FRMD3: variants seen among roughly 807,000 people sequenced by gnomAD.
FRMD3 encodes the protein FERM domain containing 3, also known as FERM domain-containing protein 3.
FRMD3 carries 33 observed loss-of-function variants against 70.2 expected under a neutral mutation model. That is an observed-to-expected ratio of 0.47 (90% CI 0.36 to 0.63). The LOEUF is 0.63. Ranked by LOEUF, FRMD3 falls within the 20% of genes least tolerant of loss-of-function variation. The pLI is 0.00. For missense variants in FRMD3, 632 were observed against 711.4 expected (o/e 0.89, Z 1.27); for synonymous variants, 279 against 255.9 (o/e 1.09, Z -0.86).
intron 1 of FRMD3, among the ~76,000 whole-genome samples, chr9:83,479,729 G>T (rs371576673): frequency 0.36 from 23,388 of 64,476 alleles, 3,829 homozygotes; most frequent in African/African-American, 0.39. Context: ...AGAAAAGAAA[G>T]GGAAAGAAAG....
chr9:83,419,608 GAT>G (rs568997668), intron 1 of FRMD3, among the ~76,000 whole-genome samples: 22 of 151,734 alleles, frequency 1.4e-4, no homozygotes, highest in African/African-American at 3.1e-4. Context: ...CTGCGTGTGT[GAT>G]ATGTGTGTGT....
chr9:83,245,982 C>T lies in FRMD3; in HGVS notation c.*1936G>A, dbSNP rs1217060574. 1.8e-5 allele frequency: 18 copies of T among 984,194 alleles called. No homozygotes were observed. The South Asian group carries it at 6.1e-4, about 33-fold the overall frequency. The allele number at this position is 984,194 out of a possible 1,614,324, so 61.0% of individuals were successfully genotyped here. The stretch of plus-strand genomic sequence containing the variant: ...TTTATTTAAAAAGCAAAATAAATCA[C>T]TGAAAGCATATAGGAAAGGAAACCC... On this transcript the variant is annotated 3_prime_UTR_variant, in exon 14 of 14. Transcript: ENST00000304195.
intron 1 of FRMD3, among the ~76,000 whole-genome samples, chr9:83,451,717 G>T (rs1304580984): frequency 6.6e-6 from 1 of 152,116 alleles, no homozygotes; most frequent in African/African-American, 2.4e-5. Flanking sequence ...CCCAAAATGA[G>T]CTGGCCAGAG....
chr9:83,360,262 C>A (rs1824539234), intron 3 of FRMD3, among the ~76,000 whole-genome samples: 2 of 152,132 alleles, frequency 1.3e-5, no homozygotes, highest in Non-Finnish European at 2.9e-5. Context: ...AGGTGTAAAT[C>A]AATATGTAGA....
At chr9:83,492,513 G>A (rs567917809) in intron 1 of FRMD3, among the ~76,000 whole-genome samples, 5 of 152,190 alleles carry the variant, frequency 3.3e-5, no homozygotes, top group Non-Finnish European at 5.9e-5. Context: ...CCTCCTTTCC[G>A]CCCGTGCTCC....
At chr9:83,486,250 C>T (rs902724370) in intron 1 of FRMD3, among the ~76,000 whole-genome samples, 3 of 152,130 alleles carry the variant, frequency 2.0e-5, no homozygotes, top group Non-Finnish European at 2.9e-5. Flanking sequence ...GATGCTGAGA[C>T]GTCACCAAGG....
intron 1 of FRMD3, among the ~76,000 whole-genome samples, chr9:83,389,952 G>C (rs1046811147): frequency 1.3e-5 from 2 of 152,042 alleles, no homozygotes; most frequent in African/African-American, 4.8e-5. Flanking sequence ...ACCCCAAAAA[G>C]AGCAGTCAAA....
At chr9:83,540,106 C>T (rs566971192), upstream of FRMD3, among the ~76,000 whole-genome samples, 1 of 152,126 alleles carries the variant, frequency 6.6e-6, no homozygotes, top group Non-Finnish European at 1.5e-5. Flanking sequence ...GGTATGACAC[C>T]GGGTCAGTGG....
At chr9:83,305,119 C>T (rs1338192594) in intron 10 of FRMD3, among the ~76,000 whole-genome samples, 1 of 152,212 alleles carries the variant, frequency 6.6e-6, no homozygotes, top group Non-Finnish European at 1.5e-5. Flanking sequence ...AGATTAGGGC[C>T]TTGCTCTGCC....
At chr9:83,272,709 G>A (rs1384247073) in intron 13 of FRMD3, among the ~76,000 whole-genome samples, 7 of 144,992 alleles carry the variant, frequency 4.8e-5, no homozygotes, top group African/African-American at 1.6e-4. Flanking sequence ...GCCTCTTCCC[G>A]GCCGCCATCC....
At chr9:83,483,731 G>T (rs958111739) in intron 1 of FRMD3, among the ~76,000 whole-genome samples, 1 of 152,142 alleles carries the variant, frequency 6.6e-6, no homozygotes, top group Non-Finnish European at 1.5e-5. Flanking sequence ...ATGGTGGTAT[G>T]CACCTGTAGT....
intron 1 of FRMD3, among the ~76,000 whole-genome samples, chr9:83,434,575 A>G (rs1471584318): frequency 6.6e-6 from 1 of 152,320 alleles, no homozygotes; most frequent in East Asian, 1.9e-4. Context: ...TTTCTGAATC[A>G]TTAAGTCATT....
At chr9:83,517,939 C>A (rs927523617) in intron 1 of FRMD3, among the ~76,000 whole-genome samples, 3 of 152,208 alleles carry the variant, frequency 2.0e-5, no homozygotes, top group African/African-American at 7.2e-5. Context: ...ATTCAACACA[C>A]CTCCATGCTA....
intron 1 of FRMD3, among the ~76,000 whole-genome samples, chr9:83,432,578 G>A (rs72745077): frequency 0.068 from 10,337 of 152,212 alleles, 417 homozygotes; most frequent in East Asian, 0.16. Context: ...CAGGCCCTCC[G>A]GGACTTTTAA....
At chr9:83,470,431 G>T (rs981505228) in intron 1 of FRMD3, among the ~76,000 whole-genome samples, 2 of 152,228 alleles carry the variant, frequency 1.3e-5, no homozygotes, top group African/African-American at 4.8e-5. Flanking sequence ...CTCTCAGAGG[G>T]TTGTTTTGAG....
chr9:83,434,064 A>C (rs1827059714), intron 1 of FRMD3, among the ~76,000 whole-genome samples: 1 of 152,202 alleles, frequency 6.6e-6, no homozygotes, highest in African/African-American at 2.4e-5. Context: ...TCCAAGCCTG[A>C]AAGACATCTG....
intron 13 of FRMD3, among the ~76,000 whole-genome samples, chr9:83,275,408 G>A (rs912196032): frequency 5.9e-5 from 9 of 152,184 alleles, no homozygotes; most frequent in Non-Finnish European, 8.8e-5. Flanking sequence ...AGCCTAGGCA[G>A]CAAAACTAGC....
intron 6 of FRMD3, among the ~76,000 whole-genome samples, chr9:83,323,696 T>G (rs2131097574): frequency 6.6e-6 from 1 of 152,352 alleles, no homozygotes; most frequent in East Asian, 1.9e-4. Flanking sequence ...ATAAATTACC[T>G]AGCCTCTGGT....
At chr9:83,282,493 C>T (rs897316789) in intron 13 of FRMD3, among the ~76,000 whole-genome samples, 1 of 152,024 alleles carries the variant, frequency 6.6e-6, no homozygotes, top group Non-Finnish European at 1.5e-5. Context: ...TTCCTGTCCC[C>T]AAGTTCCCAT....
Sources: allele counts gnomAD v4.1 joint callset (sites outside exome capture counted in the v4.1 genomes callset), GRCh38; gene constraint gnomAD v4.1.1; transcripts MANE v1.5; gene names NCBI Gene and HGNC (gene_info 2026-07-23, HGNC 2026-07-21).